The following MED12L variants were observed in gnomAD, a reference collection of about 807,000 sequenced individuals.
MED12L encodes mediator of RNA polymerase II transcription subunit 12-like protein.
MED12L carries 60 observed loss-of-function variants against 281.3 expected under a neutral mutation model. The ratio of observed to expected loss-of-function variants is 0.21; its 90% CI spans 0.17 to 0.26. The LOEUF (loss-of-function observed/expected upper bound fraction) is 0.26, where lower values mean the gene tolerates loss of function less well. MED12L is among the 10% of genes least tolerant of loss of function. The pLI is 1.00. For synonymous variants in MED12L, 974 were observed against 987.2 expected, an observed-to-expected ratio of 0.99 and a Z score of 0.25; for missense variants, 2,146 against 2,680.9, an observed-to-expected ratio of 0.80 and a Z score of 4.41.
In MED12L at chr3:151,185,311, CCT is replaced by C; in HGVS notation, c.1495-14_1495-13del. The C allele has an allele frequency of 6.2e-7, 1 of 1,611,886 alleles. No homozygotes were observed. Among genetic ancestry groups the C allele is most frequent in the Non-Finnish European group, 8.5e-7 (1 of 1,178,756 alleles). ...TGTTTCATTTGATGTGGCTGGTACCCCTCTCTGTTGGTCATTAGGTTGCGCCC... is the reference window on the plus strand; with the variant it reads ...TGTTTCATTTGATGTGGCTGGTACCCCTCTGTTGGTCATTAGGTTGCGCCC... On this transcript the variant is annotated splice_polypyrimidine_tract_variant and intron_variant, in intron 11 of 44. Coordinates refer to ENST00000687756, the MANE Select transcript of MED12L (RefSeq NM_001393769.1).
chr3:151,246,623 A>C (rs1363992507), intron 16 of MED12L, among the ~76,000 whole-genome samples: 1 of 152,206 alleles, frequency 6.6e-6, no homozygotes, highest in Non-Finnish European at 1.5e-5. Context: ...AATCAATTCA[A>C]GATGGATTAA....
chr3:151,350,288 G>A (rs1753060888), intron 17 of MED12L, 82 bp downstream of exon 17: 1 of 1,389,918 alleles, frequency 7.2e-7, no homozygotes. Context: ...AGTGTTCTAT[G>A]TCACTGTCAA....
chr3:151,190,674 C>A, intron 13 of MED12L, 43 bp from the exon 14 acceptor site: 1 of 1,570,426 alleles, frequency 6.4e-7, no homozygotes, highest in South Asian at 1.1e-5. Flanking sequence ...TTTTTTTCTA[C>A]CACCTGCTCA....
chr3:151,385,056 A>G lies in MED12L; in HGVS notation c.4953A>G (p.Glu1651=). The G allele has an allele frequency of 6.3e-7, 1 of 1,595,004 alleles. No individual in the cohort carries two copies. The highest frequency in any genetic ancestry group is 8.6e-7 in the Non-Finnish European group (1 of 1,163,550). Residue 1651 remains glutamate, a synonymous_variant, in exon 36 of 45, where the codon GAA becomes GAG. Coordinates refer to ENST00000687756, the MANE Select transcript of MED12L (RefSeq NM_001393769.1). ...LKKELGDKRS[E]SIDKVRQLLP... is the part of the protein sequence containing the mutation. ...AAGAGCTAGGAGACAAGCGATCAGA[A>G]AGTATTGACAAAGTTCGACAGTTAC...
intron 16 of MED12L, among the ~76,000 whole-genome samples, chr3:151,229,132 T>A (rs1731105203): frequency 1.3e-5 from 2 of 152,162 alleles, no homozygotes; most frequent in South Asian, 4.1e-4. Flanking sequence ...GAAAAGAATA[T>A]AAATATCCAG....
chr3:151,276,466 G>T (rs1438247057), intron 16 of MED12L, among the ~76,000 whole-genome samples: 1 of 152,188 alleles, frequency 6.6e-6, no homozygotes, highest in Non-Finnish European at 1.5e-5. Flanking sequence ...GCTTGTGTTG[G>T]TGTCAGCCTA....
intron 18 of MED12L, 151 bp downstream of exon 18, chr3:151,355,390 T>G (rs1027197227): frequency 1.8e-6 from 1 of 564,818 alleles, no homozygotes; most frequent in African/African-American, 1.9e-5. Flanking sequence ...AGTAGTTCTT[T>G]TAAGTGTCAG....
intron 16 of MED12L, among the ~76,000 whole-genome samples, chr3:151,307,609 G>A (rs1746879003): frequency 6.7e-6 from 1 of 150,192 alleles, no homozygotes; most frequent in South Asian, 2.1e-4. Context: ...GGGGGTTGAT[G>A]TAAAGTGGAT....
chr3:151,408,617 A>G (rs1050083451), intron 39 of MED12L, among the ~76,000 whole-genome samples: 12 of 152,218 alleles, frequency 7.9e-5, no homozygotes, highest in African/African-American at 2.4e-4. Flanking sequence ...CTTATGGCCA[A>G]AACATGTATT....
At chr3:151,307,781 T>G (rs1746914140) in intron 16 of MED12L, among the ~76,000 whole-genome samples, 1 of 152,068 alleles carries the variant, frequency 6.6e-6, no homozygotes, top group South Asian at 2.1e-4. Flanking sequence ...GAGCTCTAGC[T>G]TTTAAGACCC....
chr3:151,406,444 C>G, intron 39 of MED12L, among the ~76,000 whole-genome samples: 1 of 152,074 alleles, frequency 6.6e-6, no homozygotes, highest in Non-Finnish European at 1.5e-5. Context: ...TTTTTAGGAG[C>G]ACATGATGAT....
intron 16 of MED12L, among the ~76,000 whole-genome samples, chr3:151,320,355 G>A (rs150196084): frequency 2.6e-5 from 4 of 152,286 alleles, no homozygotes; most frequent in Non-Finnish European, 5.9e-5. Context: ...TCTCTTGAAT[G>A]CCCGTGTTGG....
chr3:151,187,826 A>G (rs1484616449), intron 12 of MED12L, among the ~76,000 whole-genome samples: 1 of 152,230 alleles, frequency 6.6e-6, no homozygotes, highest in African/African-American at 2.4e-5. Context: ...CCTTCTGACA[A>G]AAACAGTTCA....
intron 16 of MED12L, among the ~76,000 whole-genome samples, chr3:151,208,040 C>A (rs79137754): frequency 0.021 from 3,193 of 152,262 alleles, 113 homozygotes; most frequent in East Asian, 0.17. Context: ...TCTGAATGTA[C>A]TTTGCAAACA....
Position 151,198,837 on chromosome 3 carries a change from A to T in MED12L, c.2250+5171A>T, listed in dbSNP as rs769739085. On this transcript the variant is annotated intron_variant, in intron 16 of 44. Coordinates refer to ENST00000687756, the MANE Select transcript of MED12L (RefSeq NM_001393769.1). ...GAGAAATTTAAAAATATTGCTACAC[A>T]TATGAAATTTGTCAGCAAATGCCAA... 3 of 1,613,386 alleles carry T rather than the reference A, an allele frequency of 1.9e-6. No individual in the cohort carries two copies. The African/African-American group carries it at 4.0e-5, about 22-fold the overall frequency.
intron 11 of MED12L, among the ~76,000 whole-genome samples, chr3:151,166,504 G>C (rs1013538434): frequency 1.3e-5 from 2 of 151,862 alleles, no homozygotes; most frequent in Admixed American, 6.6e-5. Flanking sequence ...GAGAGAGAAA[G>C]GGGGGGAGAA....
At chr3:151,185,284 A>G (rs1218603343) in intron 11 of MED12L, 46 bp from the exon 12 acceptor site, 2 of 1,587,498 alleles carry the variant, frequency 1.3e-6, no homozygotes, top group African/African-American at 2.7e-5. Context: ...TTGCTGGGTG[A>G]ATGTTTCATT....
intron 16 of MED12L, among the ~76,000 whole-genome samples, chr3:151,224,839 C>A (rs1407152962): frequency 2.0e-5 from 3 of 152,174 alleles, no homozygotes; most frequent in Admixed American, 6.5e-5. Flanking sequence ...TTATTGAAAT[C>A]TGCTGTTTAT....
chr3:151,289,303 T>C (rs928907692), intron 16 of MED12L, among the ~76,000 whole-genome samples: 23 of 152,234 alleles, frequency 1.5e-4, no homozygotes, highest in African/African-American at 5.5e-4. Context: ...TTTCATGACG[T>C]AGAAAGCACA....
Sources: gnomAD v4.1 joint callset for allele counts (sites outside exome capture counted in the v4.1 genomes callset) on GRCh38, gnomAD v4.1.1 for gene constraint, MANE v1.5 for transcripts, NCBI Gene and HGNC (gene_info 2026-07-23, HGNC 2026-07-21) for gene names.